Variants in DCC observed in about 807,000 individuals in gnomAD.
DCC encodes DCC netrin 1 receptor.
A neutral mutation model predicts 172.5 loss-of-function variants in DCC; 58 were observed. The ratio of observed to expected loss-of-function variants is 0.34; its 90% CI spans 0.27 to 0.42. DCC has a LOEUF of 0.42. Ranked by LOEUF, DCC falls within the 10% of genes least tolerant of loss-of-function variation. The pLI is 1.00. For missense variants in DCC, 1,740 were observed against 1,791.0 expected (o/e 0.97, Z 0.51); for synonymous variants, 709 against 644.5 (o/e 1.10, Z -1.52).
At chr18:53,245,518 A>T (rs1447446120) in intron 12 of DCC, among the ~76,000 whole-genome samples, 4 of 152,120 alleles carry the variant, frequency 2.6e-5, no homozygotes. Context: ...AGAATTATGT[A>T]AGCACTGGTG....
At chr18:53,038,660 A>G (rs2042126896) in intron 5 of DCC, among the ~76,000 whole-genome samples, 2 of 133,054 alleles carry the variant, frequency 1.5e-5, no homozygotes, top group South Asian at 2.2e-4. Context: ...CCCAAATTCC[A>G]TGACCACTAA....
intron 23 of DCC, among the ~76,000 whole-genome samples, chr18:53,451,727 CTCTCTCCATCTCTCTCTCTCTCTG>C (rs1456564135): frequency 6.6e-6 from 1 of 151,962 alleles, no homozygotes. Context: ...CTCTCTCTCT[CTCTCTCCATCTCTCTCTCTCTCTG>C]TCTGTCTTTC....
At chr18:52,977,656 C>A (rs575640799) in intron 5 of DCC, among the ~76,000 whole-genome samples, 1 of 151,884 alleles carries the variant, frequency 6.6e-6, no homozygotes, top group Non-Finnish European at 1.5e-5. Flanking sequence ...GAGGCCGAGG[C>A]GGGTGGATCA....
intron 1 of DCC, among the ~76,000 whole-genome samples, chr18:52,676,133 A>G (rs989461092): frequency 3.3e-5 from 5 of 152,220 alleles, no homozygotes; most frequent in Admixed American, 2.0e-4. Context: ...AGATTCAACA[A>G]TGGAACAGGA....
intron 2 of DCC, among the ~76,000 whole-genome samples, chr18:52,777,585 G>A (rs939908010): frequency 2.6e-5 from 4 of 152,076 alleles, no homozygotes; most frequent in African/African-American, 9.7e-5. Context: ...CAGGTTCTGG[G>A]GAGTAGGATG....
chr18:53,319,389 A>G (rs1004607906), intron 13 of DCC, among the ~76,000 whole-genome samples: 3 of 152,216 alleles, frequency 2.0e-5, no homozygotes, highest in African/African-American at 7.2e-5. Flanking sequence ...AGAGACACAC[A>G]TAGGCTCAAA....
chr18:53,361,589 C>G lies in DCC; in HGVS notation c.2359+21682C>G, dbSNP rs2057947971. ...TCAAAGGGAATATTACCTCAGCTAT[C>G]CGAAAGAACTGTGTCAGTCAATTGT... On this transcript the variant is annotated intron_variant, in intron 15 of 28. Transcript: ENST00000442544. 2.0e-5 allele frequency among the ~76,000 whole-genome samples: 3 copies of G among 152,106 alleles called. No homozygotes were observed. In the South Asian group the frequency reaches 6.2e-4, roughly 31 times the overall value.
At chr18:52,358,202 G>A (rs940857893) in intron 1 of DCC, among the ~76,000 whole-genome samples, 11 of 152,152 alleles carry the variant, frequency 7.2e-5, no homozygotes, top group Non-Finnish European at 1.5e-4. Flanking sequence ...AAGAAAGTGT[G>A]TGAAACAGCA....
intron 1 of DCC, among the ~76,000 whole-genome samples, chr18:52,599,961 T>G (rs928957873): frequency 6.6e-5 from 10 of 152,304 alleles, no homozygotes; most frequent in Admixed American, 6.5e-4. Flanking sequence ...AACCATGCCA[T>G]CCCCTTTCTA....
At chr18:53,468,251 ATTGT>A (rs1048587588) in intron 25 of DCC, among the ~76,000 whole-genome samples, 5 of 151,518 alleles carry the variant, frequency 3.3e-5, no homozygotes, top group East Asian at 1.9e-4. Flanking sequence ...TATTTAAGAA[ATTGT>A]TTGTAAAATA....
intron 5 of DCC, among the ~76,000 whole-genome samples, chr18:53,018,618 A>T (rs946488049): frequency 2.0e-5 from 3 of 152,186 alleles, no homozygotes; most frequent in Non-Finnish European, 4.4e-5. Context: ...TTCTGAAATT[A>T]AAAAGACCAG....
chr18:52,545,339 C>T (rs2032580168), intron 1 of DCC, among the ~76,000 whole-genome samples: 1 of 152,132 alleles, frequency 6.6e-6, no homozygotes, highest in African/African-American at 2.4e-5. Context: ...TTTTGCCTGC[C>T]CTGATGCTTT....
intron 1 of DCC, among the ~76,000 whole-genome samples, chr18:52,512,624 A>G (rs1255193707): frequency 1.3e-5 from 2 of 152,224 alleles, no homozygotes; most frequent in Non-Finnish European, 2.9e-5. Context: ...GATAAAAATT[A>G]TGAGCGCTTA....
intron 2 of DCC, among the ~76,000 whole-genome samples, chr18:52,840,504 C>T (rs1220679224): frequency 6.6e-6 from 1 of 152,178 alleles, no homozygotes; most frequent in East Asian, 1.9e-4. Flanking sequence ...TTTGATCAAA[C>T]TAATCAGCTT....
intron 15 of DCC, among the ~76,000 whole-genome samples, chr18:53,367,255 C>T (rs1328647227): frequency 1.3e-5 from 2 of 148,256 alleles, no homozygotes; most frequent in Non-Finnish European, 3.0e-5. Flanking sequence ...GTAAGATGAA[C>T]AGCTTATGCT....
chr18:53,315,680 T>C (rs1384357270), intron 13 of DCC, among the ~76,000 whole-genome samples: 2 of 152,224 alleles, frequency 1.3e-5, no homozygotes, highest in African/African-American at 2.4e-5. Flanking sequence ...TGGTATCTCA[T>C]TGTGGTTTTG....
chr18:52,815,093 T>C (rs2038268912), intron 2 of DCC, among the ~76,000 whole-genome samples: 2 of 152,120 alleles, frequency 1.3e-5, no homozygotes, highest in Admixed American at 1.3e-4. Flanking sequence ...GTAGGCCAAA[T>C]ATAGTAAAAG....
At chr18:52,530,049 A>G (rs1214668965) in intron 1 of DCC, among the ~76,000 whole-genome samples, 1 of 152,222 alleles carries the variant, frequency 6.6e-6, no homozygotes, top group African/African-American at 2.4e-5. Context: ...ATTAAACGTT[A>G]ATATATTTTA....
intron 7 of DCC, among the ~76,000 whole-genome samples, chr18:53,093,087 G>A (rs1253995541): frequency 6.6e-6 from 1 of 152,148 alleles, no homozygotes; most frequent in African/African-American, 2.4e-5. Context: ...TTTGAGGCCA[G>A]CCTGGCCAAC....
Sources: allele counts gnomAD v4.1 joint callset (sites outside exome capture counted in the v4.1 genomes callset), GRCh38; gene constraint gnomAD v4.1.1; transcripts MANE v1.5; gene names NCBI Gene and HGNC (gene_info 2026-07-23, HGNC 2026-07-21).